Variants in HELZ observed in about 807,000 individuals in gnomAD.
HELZ encodes the protein ATP-dependent RNA helicase with zinc finger domain.
A neutral mutation model predicts 218.2 loss-of-function variants in HELZ; 23 were observed. The observed-to-expected ratio is 0.11, with a 90% confidence interval of 0.08 to 0.15. The LOEUF is 0.15. HELZ is among the 10% of genes least tolerant of loss of function. The pLI is 1.00. For synonymous variants in HELZ, 814 were observed against 829.4 expected, an observed-to-expected ratio of 0.98 and a Z score of 0.32; for missense variants, 1,813 against 2,353.7, an observed-to-expected ratio of 0.77 and a Z score of 4.75.
chr17:67,244,849 C>A, intron 1 of HELZ: 1 of 985,544 alleles, frequency 1.0e-6, no homozygotes, highest in Non-Finnish European at 1.2e-6. Flanking sequence ...CTCCCGCAGG[C>A]TCCCGGGCCA....
intron 20 of HELZ, 43 bp downstream of exon 20, chr17:67,148,526 A>G: frequency 6.4e-7 from 1 of 1,571,392 alleles, no homozygotes; most frequent in Middle Eastern, 1.7e-4. Flanking sequence ...TCCTACTATC[A>G]GACCAACGAA....
Position 67,122,950 on chromosome 17 carries a change from T to C in HELZ, c.3630+20A>G, listed in dbSNP as rs1188568098. On this transcript the variant is annotated intron_variant, in intron 26 of 32. Coordinates refer to ENST00000358691, the MANE Select transcript of HELZ (RefSeq NM_014877.4). ...CTATTTTACTTGATTCAATAGAAAG[T>C]ATTTCGAATGTCCACTTACAGGTAA... 1 of 1,541,738 alleles carries C rather than the reference T, an allele frequency of 6.5e-7. No homozygotes were observed. Among genetic ancestry groups the C allele is most frequent in the Non-Finnish European group, 8.9e-7 (1 of 1,120,044 alleles).
At chr17:67,102,637 C>T (rs1261329103) in intron 31 of HELZ, among the ~76,000 whole-genome samples, 1 of 152,158 alleles carries the variant, frequency 6.6e-6, no homozygotes, top group Non-Finnish European at 1.5e-5. Context: ...ACAGCAAGCA[C>T]ATCAATCATT....
At chr17:67,120,670 A>G in intron 26 of HELZ, 58 bp from the exon 27 acceptor site, 1 of 1,184,804 alleles carries the variant, frequency 8.4e-7, no homozygotes, top group Non-Finnish European at 1.3e-6. Context: ...GCAAACTGCT[A>G]GAGTGCTGCT....
chr17:67,244,545 T>C (rs1012533886), intron 1 of HELZ: 4 of 931,654 alleles, frequency 4.3e-6, no homozygotes, highest in Non-Finnish European at 3.8e-6. Context: ...TTTTTGTTGA[T>C]GTGCTTGTGG....
In HELZ at chr17:67,108,998, G is replaced by T. The variant is rs541323097; in HGVS notation, c.4489+118C>A. On this transcript the variant is annotated intron_variant, in intron 29 of 32. Transcript: ENST00000358691. This position sits in a 1 kb window ranked among gnomAD's most constrained non-coding sequence, Gnocchi z 4.1. ...GTTTCTGATTATCACACTAAATGGG[G>T]GGGTTTTGCTAGCATTATTTGAAGA... is the stretch of plus-strand genomic sequence containing the variant. 1.2e-5 allele frequency: 10 copies of T among 827,982 alleles called. No homozygotes were observed. In the Admixed American group the frequency reaches 2.5e-4, roughly 21 times the overall value. The allele number at this position is 827,982 out of a possible 1,614,324, so 51.3% of individuals were successfully genotyped here. A position where few individuals can be genotyped will look rare whatever the true frequency, so the allele number is the denominator to read the frequency against.
chr17:67,155,252 G>A (rs2038805211), intron 17 of HELZ, among the ~76,000 whole-genome samples: 1 of 152,036 alleles, frequency 6.6e-6, no homozygotes, highest in Admixed American at 6.6e-5. Context: ...CCAAAATAAT[G>A]GCAAAGAGAA....
intron 32 of HELZ, among the ~76,000 whole-genome samples, chr17:67,080,429 T>C (rs949695716): frequency 6.6e-6 from 1 of 152,212 alleles, no homozygotes; most frequent in Admixed American, 6.5e-5. Flanking sequence ...TCTTTTCAGA[T>C]AAATTCTGGA....
chr17:67,154,949 C>T (rs2038795627), intron 17 of HELZ, among the ~76,000 whole-genome samples: 1 of 152,148 alleles, frequency 6.6e-6, no homozygotes, highest in Non-Finnish European at 1.5e-5. Context: ...TATCAACTTA[C>T]TGGTAAGCAA....
intron 31 of HELZ, among the ~76,000 whole-genome samples, chr17:67,105,989 G>A (rs1567803874): frequency 6.6e-6 from 1 of 152,178 alleles, no homozygotes; most frequent in African/African-American, 2.4e-5. Flanking sequence ...TGTAAAATGT[G>A]AATCAATTAT....
chr17:67,086,757 T>C, intron 32 of HELZ, 72 bp downstream of exon 32: 9 of 1,527,328 alleles, frequency 5.9e-6, no homozygotes, highest in South Asian at 1.2e-5. Flanking sequence ...GCAGGTGGTA[T>C]AGAAGAAAAA....
chr17:67,073,923 G>A lies in HELZ; in HGVS notation c.*4329C>T, dbSNP rs2035954321. 1 of 152,134 alleles carries A rather than the reference G, an allele frequency of 6.6e-6. No individual in the cohort carries two copies. The highest frequency in any genetic ancestry group is 2.1e-4 in the South Asian group (1 of 4,838). 9.4% of individuals were successfully genotyped at this position (152,134 alleles called of 1,614,324 possible). ...AAATGTGAGGAGCATATCATAATGAGCATTTTCAAGACTAACATGCCAGTT... is the reference window on the plus strand; with the variant it reads ...AAATGTGAGGAGCATATCATAATGAACATTTTCAAGACTAACATGCCAGTT... On this transcript the variant is annotated 3_prime_UTR_variant, in exon 33 of 33. Transcript: ENST00000358691.
chr17:67,192,637 T>A (rs576339783), intron 9 of HELZ, among the ~76,000 whole-genome samples: 1 of 152,342 alleles, frequency 6.6e-6, no homozygotes, highest in African/African-American at 2.4e-5. Flanking sequence ...TTCTGTCTCT[T>A]CTACAACATA....
Position 67,123,815 on chromosome 17 carries a change from C to CTCTGTGTG in HELZ, c.3439+147_3439+148insCACACAGA, listed in dbSNP as rs1555605451. On this transcript the variant is annotated intron_variant, in intron 25 of 32. Coordinates refer to ENST00000358691, the MANE Select transcript of HELZ (RefSeq NM_014877.4). ...AAAAAATTGAGAGGTTCCAAAGTGA[C>CTCTGTGTG]TGTGTGTGTGTGTGTGTGTGTGTGT... The CTCTGTGTG allele has an allele frequency of 9.3e-6, 5 of 534,966 alleles. No homozygotes were observed. In the Admixed American group the frequency reaches 1.9e-4, roughly 20 times the overall value. The allele number at this position is 534,966 out of a possible 1,614,324, so 33.1% of individuals were successfully genotyped here. A position where few individuals can be genotyped will look rare whatever the true frequency, so the allele number is the denominator to read the frequency against.
At chr17:67,212,578 A>G (rs191459748) in intron 5 of HELZ, among the ~76,000 whole-genome samples, 27 of 152,300 alleles carry the variant, frequency 1.8e-4, no homozygotes, top group Admixed American at 5.9e-4. Context: ...AACTACTAAT[A>G]TACATGTATA....
At chr17:67,192,233 AAATAT>A (rs1239308342) in intron 9 of HELZ, among the ~76,000 whole-genome samples, 4 of 152,208 alleles carry the variant, frequency 2.6e-5, no homozygotes, top group East Asian at 3.9e-4. Flanking sequence ...AATTAAATGT[AAATAT>A]AATATAAAAC....
chr17:67,244,842 C>T, intron 1 of HELZ: 1 of 985,542 alleles, frequency 1.0e-6, no homozygotes, highest in Non-Finnish European at 1.2e-6. Flanking sequence ...GAGAAACCTC[C>T]CGCAGGCTCC....
chr17:67,164,994 G>C (rs1168484260), intron 15 of HELZ, among the ~76,000 whole-genome samples: 1 of 152,138 alleles, frequency 6.6e-6, no homozygotes, highest in Non-Finnish European at 1.5e-5. Context: ...AAATAGTCCG[G>C]GTCTAAAAGC....
At chr17:67,228,853 G>GT (rs2040962607) in intron 3 of HELZ, among the ~76,000 whole-genome samples, 1 of 152,038 alleles carries the variant, frequency 6.6e-6, no homozygotes, top group Non-Finnish European at 1.5e-5. Context: ...CAAGTAGCTG[G>GT]TATTACAGGC....
Sources: allele counts gnomAD v4.1 joint callset (sites outside exome capture counted in the v4.1 genomes callset), GRCh38; gene constraint gnomAD v4.1.1; non-coding constraint Gnocchi (gnomAD v3.1); transcripts MANE v1.5; gene names NCBI Gene and HGNC (gene_info 2026-07-23, HGNC 2026-07-21).